The following GRID2 variants were observed in gnomAD, a reference collection of about 807,000 sequenced individuals.
The protein encoded by GRID2 is glutamate receptor ionotropic, delta-2.
Under a neutral mutation model 114.8 loss-of-function variants are expected in GRID2, and 33 were observed. That is an observed-to-expected ratio of 0.29 (90% CI 0.22 to 0.38). The LOEUF (loss-of-function observed/expected upper bound fraction) is 0.38. Ranked by LOEUF, GRID2 falls within the 10% of genes least tolerant of loss-of-function variation. The pLI is 1.00. For missense variants in GRID2, 1,184 were observed against 1,257.7 expected, an observed-to-expected ratio of 0.94 and a Z score of 0.89; for synonymous variants, 505 against 449.9, an observed-to-expected ratio of 1.12 and a Z score of -1.55.
At chr4:93,105,040 G>A (rs374627890) in intron 3 of GRID2, among the ~76,000 whole-genome samples, 1,934 of 151,998 alleles carry the variant, frequency 0.013, 23 homozygotes, top group Middle Eastern at 0.02. Flanking sequence ...GTTTTGATTT[G>A]CATTTCTCTG....
At chr4:93,026,418 A>G (rs1352917350) in intron 2 of GRID2, among the ~76,000 whole-genome samples, 1 of 151,932 alleles carries the variant, frequency 6.6e-6, no homozygotes, top group African/African-American at 2.4e-5. Context: ...AATGAATTAT[A>G]TCGGAAACAA....
chr4:92,760,393 T>A (rs917455675), intron 2 of GRID2, among the ~76,000 whole-genome samples: 1 of 152,110 alleles, frequency 6.6e-6, no homozygotes, highest in Non-Finnish European at 1.5e-5. Flanking sequence ...CTCGATCCTT[T>A]TGGGGAAATG....
At chr4:93,334,813 C>A (rs1336144660) in intron 8 of GRID2, among the ~76,000 whole-genome samples, 2 of 152,206 alleles carry the variant, frequency 1.3e-5, no homozygotes, top group Non-Finnish European at 2.9e-5. Context: ...TGCCTGTAAT[C>A]CCGGCTACTC....
At chr4:93,213,207 T>C (rs569598352) in intron 5 of GRID2, among the ~76,000 whole-genome samples, 2 of 152,332 alleles carry the variant, frequency 1.3e-5, no homozygotes, top group South Asian at 4.1e-4. Flanking sequence ...GCCATCCTGC[T>C]TCTCTTCCTG....
At chr4:93,593,283 G>A (rs1359925941) in intron 13 of GRID2, among the ~76,000 whole-genome samples, 33 of 144,760 alleles carry the variant, frequency 2.3e-4, no homozygotes, top group South Asian at 4.6e-4. Context: ...TTGCTTGTCT[G>A]TAAAGTATTT....
chr4:92,347,191 G>C (rs529422629), intron 1 of GRID2, among the ~76,000 whole-genome samples: 60 of 152,268 alleles, frequency 3.9e-4, no homozygotes, highest in Non-Finnish European at 6.9e-4. Flanking sequence ...AAAAATTGTG[G>C]CCAAAGAATG....
intron 14 of GRID2, among the ~76,000 whole-genome samples, chr4:93,648,248 A>G (rs925836308): frequency 6.6e-5 from 10 of 152,210 alleles, no homozygotes; most frequent in African/African-American, 2.4e-4. Flanking sequence ...AAAACTGTGG[A>G]ACGTATGAGA....
intron 2 of GRID2, among the ~76,000 whole-genome samples, chr4:92,967,022 C>A (rs1753199730): frequency 6.6e-6 from 1 of 151,852 alleles, no homozygotes; most frequent in Non-Finnish European, 1.5e-5. Flanking sequence ...TCACACAGGT[C>A]AGAAGGGATG....
At chr4:93,094,157 A>G (rs1205275291) in intron 3 of GRID2, among the ~76,000 whole-genome samples, 1 of 152,026 alleles carries the variant, frequency 6.6e-6, no homozygotes, top group Non-Finnish European at 1.5e-5. Flanking sequence ...TTCAGGAAAA[A>G]AAGGGTGTTT....
intron 2 of GRID2, among the ~76,000 whole-genome samples, chr4:92,843,833 T>C (rs1396661506): frequency 6.6e-6 from 1 of 152,134 alleles, no homozygotes; most frequent in Non-Finnish European, 1.5e-5. Context: ...GAATCTGAAA[T>C]CATATCAACA....
At chr4:92,829,635 A>G (rs1231769738) in intron 2 of GRID2, among the ~76,000 whole-genome samples, 1 of 152,176 alleles carries the variant, frequency 6.6e-6, no homozygotes, top group Non-Finnish European at 1.5e-5. Flanking sequence ...ATGCACACAT[A>G]TGTTTATTGC....
At chr4:92,665,821 A>G (rs75679452) in intron 2 of GRID2, among the ~76,000 whole-genome samples, 1 of 151,154 alleles carries the variant, frequency 6.6e-6, no homozygotes. Context: ...ATTATAAATT[A>G]CTTTTCTATT....
chr4:93,507,644 A>G (rs1728758372), intron 12 of GRID2, among the ~76,000 whole-genome samples: 1 of 152,196 alleles, frequency 6.6e-6, no homozygotes, highest in Admixed American at 6.5e-5. Context: ...TCAGTGAAAA[A>G]ATCACTCAGT....
chr4:93,109,462 T>C (rs1415486249), intron 3 of GRID2, among the ~76,000 whole-genome samples: 3 of 152,204 alleles, frequency 2.0e-5, no homozygotes, highest in Non-Finnish European at 4.4e-5. Flanking sequence ...TTTATAAGAG[T>C]AAATGTAGTT....
Position 93,426,468 on chromosome 4 carries a change from A to G in GRID2, c.1545+3500A>G, listed in dbSNP as rs184406730. ...ATCCTTAATGAGTTATTATGCTAAT[A>G]AACTACACTTGCTAGATGCAAATTA... On this transcript the variant is annotated intron_variant, in intron 10 of 15. Transcript: ENST00000282020. Among the ~76,000 whole-genome samples, 248 of 152,302 alleles carry G rather than the reference A, an allele frequency of 1.6e-3. 1 individual carries two copies. The highest frequency in any genetic ancestry group is 3.0e-3 in the Non-Finnish European group (206 of 67,984).
intron 3 of GRID2, among the ~76,000 whole-genome samples, chr4:93,104,755 C>T (rs1732037504): frequency 6.6e-6 from 1 of 152,160 alleles, no homozygotes; most frequent in Non-Finnish European, 1.5e-5. Context: ...GTGAATAGTG[C>T]CGTGATAAAC....
chr4:93,005,531 T>G (rs1397036373), intron 2 of GRID2, among the ~76,000 whole-genome samples: 7 of 152,038 alleles, frequency 4.6e-5, no homozygotes, highest in Non-Finnish European at 5.9e-5. Context: ...TCAAATAACT[T>G]ATCACTTTCA....
chr4:92,636,814 C>G (rs546937368), intron 2 of GRID2, among the ~76,000 whole-genome samples: 1 of 152,102 alleles, frequency 6.6e-6, no homozygotes, highest in South Asian at 2.1e-4. Context: ...CTGAATATAA[C>G]CTGACTGGGC....
At chr4:93,592,337 G>T (rs1010674041) in intron 13 of GRID2, among the ~76,000 whole-genome samples, 3 of 152,132 alleles carry the variant, frequency 2.0e-5, no homozygotes, top group Non-Finnish European at 4.4e-5. Context: ...TCAGGAGGAG[G>T]TTGTTCAGTT....
Sources: gnomAD v4.1 joint callset for allele counts (sites outside exome capture counted in the v4.1 genomes callset) on GRCh38, gnomAD v4.1.1 for gene constraint, MANE v1.5 for transcripts, NCBI Gene and HGNC (gene_info 2026-07-23, HGNC 2026-07-21) for gene names.